TMEM117: variants seen among roughly 807,000 people sequenced by gnomAD.
TMEM117 encodes the protein transmembrane protein 117.
A neutral mutation model predicts 52.4 loss-of-function variants in TMEM117; 27 were observed. The observed-to-expected ratio is 0.51, with a 90% CI of 0.38 to 0.71. TMEM117 has a LOEUF of 0.71. Ranked by LOEUF, TMEM117 falls within the 30% of genes least tolerant of loss-of-function variation. The probability of loss-of-function intolerance (pLI) is 0.00; values close to 1 mark genes in which losing one functional copy is unlikely to be tolerated. For synonymous variants in TMEM117, 215 were observed against 206.3 expected, an observed-to-expected ratio of 1.04 and a Z score of -0.36; for missense variants, 556 against 630.5, an observed-to-expected ratio of 0.88 and a Z score of 1.26.
the TMEM117 span, among the ~76,000 whole-genome samples, chr12:43,825,821 T>C: frequency 6.6e-6 from 1 of 152,204 alleles, no homozygotes; most frequent in Non-Finnish European, 1.5e-5. Flanking sequence ...AACACCCACC[T>C]GAGTTTACTG....
intron 5 of TMEM117, among the ~76,000 whole-genome samples, chr12:44,288,379 C>G (rs1266701053): frequency 2.0e-5 from 3 of 152,002 alleles, no homozygotes; most frequent in African/African-American, 7.3e-5. Flanking sequence ...GGCAGAATAC[C>G]TCCTTTAATT....
chr12:44,028,069 T>C lies in TMEM117; in HGVS notation c.410+83727T>C, dbSNP rs374285112. ...TTAGCTGGGCATGGTGATGGGCACCTGTAGTCCCAGCTACTCGGGAGGCTG... is the reference window on the plus strand; with the variant it reads ...TTAGCTGGGCATGGTGATGGGCACCCGTAGTCCCAGCTACTCGGGAGGCTG... On this transcript the variant is annotated intron_variant, in intron 3 of 7. Transcript: ENST00000266534. 2.6e-5 allele frequency among the ~76,000 whole-genome samples: 4 copies of C among 152,286 alleles called. No individual in the cohort carries two copies. The South Asian group carries it at 8.3e-4, about 32-fold the overall frequency.
At chr12:44,178,069 T>A (rs1401617713) in intron 4 of TMEM117, among the ~76,000 whole-genome samples, 1 of 152,216 alleles carries the variant, frequency 6.6e-6, no homozygotes, top group Admixed American at 6.5e-5. Flanking sequence ...CAACATCTTG[T>A]TATTTCTTAA....
intron 3 of TMEM117, among the ~76,000 whole-genome samples, chr12:44,071,391 T>A (rs568627840): frequency 1.3e-5 from 2 of 152,192 alleles, no homozygotes; most frequent in Non-Finnish European, 2.9e-5. Flanking sequence ...CCAAAATGGC[T>A]ATGAAAGAAT....
At chr12:44,355,583 T>C (rs1162384892) in intron 6 of TMEM117, among the ~76,000 whole-genome samples, 1 of 152,006 alleles carries the variant, frequency 6.6e-6, no homozygotes, top group Admixed American at 6.6e-5. Flanking sequence ...AGAAGCTTGA[T>C]ATAAATTCAA....
At chr12:43,897,869 T>C (rs896749632) in intron 2 of TMEM117, among the ~76,000 whole-genome samples, 15 of 152,284 alleles carry the variant, frequency 9.9e-5, no homozygotes, top group African/African-American at 3.6e-4. Context: ...AGCTTTGGCC[T>C]TCCAAAATGC....
intron 3 of TMEM117, among the ~76,000 whole-genome samples, chr12:44,122,048 C>CTTT (rs201865850): frequency 9.4e-5 from 13 of 138,814 alleles, no homozygotes; most frequent in African/African-American, 2.4e-4. Context: ...CTTTTCTTTT[C>CTTT]TTTTTTTTTT....
At chr12:44,125,888 G>T (rs79391670) in intron 3 of TMEM117, among the ~76,000 whole-genome samples, 2,974 of 152,250 alleles carry the variant, frequency 0.02, 80 homozygotes, top group East Asian at 0.057. Flanking sequence ...TGCTTTAGCT[G>T]TATCACAGAG....
chr12:43,913,764 G>T (rs963756197), intron 2 of TMEM117, among the ~76,000 whole-genome samples: 2 of 152,056 alleles, frequency 1.3e-5, no homozygotes, highest in Admixed American at 1.3e-4. Context: ...TTTAATAAAA[G>T]AATAAAGGAG....
intron 3 of TMEM117, among the ~76,000 whole-genome samples, chr12:44,140,251 T>A (rs895088358): frequency 6.6e-6 from 1 of 152,126 alleles, no homozygotes; most frequent in Admixed American, 6.6e-5. Context: ...GCTGGAGAGA[T>A]AAAGTGAACA....
intron 2 of TMEM117, among the ~76,000 whole-genome samples, chr12:43,873,515 C>T (rs1480216897): frequency 6.6e-6 from 1 of 152,010 alleles, no homozygotes; most frequent in Non-Finnish European, 1.5e-5. Context: ...CAATAAAACA[C>T]ATTTAGCTAT....
intron 3 of TMEM117, among the ~76,000 whole-genome samples, chr12:44,130,807 T>C (rs919439009): frequency 6.6e-6 from 1 of 152,128 alleles, no homozygotes. Context: ...ATTTTTAGTT[T>C]GCATATCATT....
chr12:44,117,459 A>G (rs1395793450), intron 3 of TMEM117, among the ~76,000 whole-genome samples: 1 of 152,006 alleles, frequency 6.6e-6, no homozygotes, highest in Non-Finnish European at 1.5e-5. Context: ...AATCAGTTGC[A>G]TCATGATTGG....
intron 3 of TMEM117, among the ~76,000 whole-genome samples, chr12:43,962,922 TG>T (rs1945426505): frequency 6.6e-6 from 1 of 151,194 alleles, no homozygotes; most frequent in South Asian, 2.1e-4. Context: ...AGCAAGACTC[TG>T]AGACTCCGTT....
intron 7 of TMEM117, among the ~76,000 whole-genome samples, chr12:44,378,926 C>A (rs865911468): frequency 6.6e-6 from 1 of 152,050 alleles, no homozygotes; most frequent in African/African-American, 2.4e-5. Context: ...GCCATGCAAA[C>A]AATTGGGTGT....
chr12:43,836,057 T>C (rs1943020852), upstream of TMEM117: 1 of 151,524 alleles, frequency 6.6e-6, no homozygotes, highest in South Asian at 2.1e-4. Context: ...CCGGTATTTA[T>C]AGCTCCGTGA....
the TMEM117 span, among the ~76,000 whole-genome samples, chr12:43,807,954 T>C: frequency 1.3e-5 from 2 of 152,234 alleles, no homozygotes; most frequent in South Asian, 2.1e-4. Context: ...TTACAAATAA[T>C]ATATAATAGA....
intron 3 of TMEM117, among the ~76,000 whole-genome samples, chr12:43,992,828 A>C (rs1027543921): frequency 6.6e-6 from 1 of 152,188 alleles, no homozygotes; most frequent in Non-Finnish European, 1.5e-5. Flanking sequence ...AACTCCAAGA[A>C]GTCTTCCCTG....
At chr12:43,816,686 C>T in the TMEM117 span, among the ~76,000 whole-genome samples, 1 of 152,294 alleles carries the variant, frequency 6.6e-6, no homozygotes, top group African/African-American at 2.4e-5. Context: ...TGTTTCACCT[C>T]GGTGATTTGA....
Sources: allele counts gnomAD v4.1 joint callset (sites outside exome capture counted in the v4.1 genomes callset), GRCh38; gene constraint gnomAD v4.1.1; transcripts MANE v1.5; gene names NCBI Gene and HGNC (gene_info 2026-07-23, HGNC 2026-07-21).